The following CDH8 variants were observed in gnomAD, a reference collection of about 807,000 sequenced individuals.
CDH8 encodes the protein cadherin 8.
CDH8 carries 17 observed loss-of-function variants against 68.1 expected under a neutral mutation model. The ratio of observed to expected loss-of-function variants is 0.25; its 90% confidence interval spans 0.17 to 0.37. The LOEUF is 0.37. CDH8 is among the 10% of genes least tolerant of loss of function. The pLI is 1.00. For missense variants in CDH8, 763 were observed against 999.3 expected, an observed-to-expected ratio of 0.76 and a Z score of 3.19; for synonymous variants, 372 against 365.1, an observed-to-expected ratio of 1.02 and a Z score of -0.21.
chr16:61,822,941 C>G (rs1468228311), intron 5 of CDH8, among the ~76,000 whole-genome samples: 1 of 151,822 alleles, frequency 6.6e-6, no homozygotes, highest in East Asian at 1.9e-4. Flanking sequence ...GTTATTATCT[C>G]TAAGAAAAGG....
intron 10 of CDH8, among the ~76,000 whole-genome samples, chr16:61,702,267 G>A (rs954216146): frequency 6.6e-6 from 1 of 152,186 alleles, no homozygotes; most frequent in Non-Finnish European, 1.5e-5. Flanking sequence ...AGCTACTTAG[G>A]AGGCTGAGGC....
At chr16:61,897,501 G>T (rs1353996840) in intron 3 of CDH8, among the ~76,000 whole-genome samples, 2 of 152,160 alleles carry the variant, frequency 1.3e-5, no homozygotes, top group Admixed American at 6.5e-5. Context: ...ATCTGAAAAT[G>T]GACTTGATGT....
chr16:61,827,813 C>T (rs531532275), intron 4 of CDH8, among the ~76,000 whole-genome samples: 7 of 151,898 alleles, frequency 4.6e-5, no homozygotes, highest in African/African-American at 1.2e-4. Context: ...ACTGACCCCA[C>T]GTACAGTTGA....
At chr16:61,879,138 GTTA>G (rs1295100626) in intron 3 of CDH8, among the ~76,000 whole-genome samples, 1 of 152,072 alleles carries the variant, frequency 6.6e-6, no homozygotes, top group African/African-American at 2.4e-5. Flanking sequence ...TGACTGCTAA[GTTA>G]TTATTCTCAT....
At chr16:61,945,634 G>A (rs532074849) in intron 2 of CDH8, among the ~76,000 whole-genome samples, 2 of 152,104 alleles carry the variant, frequency 1.3e-5, no homozygotes, top group Non-Finnish European at 2.9e-5. Context: ...CGGTTGAGGA[G>A]TGCTAACACC....
chr16:61,661,213 T>A (rs1963550904), intron 10 of CDH8, among the ~76,000 whole-genome samples: 1 of 151,814 alleles, frequency 6.6e-6, no homozygotes, highest in African/African-American at 2.4e-5. Flanking sequence ...GAGGCAGAAA[T>A]CAAGGTAGAA....
intron 2 of CDH8, among the ~76,000 whole-genome samples, chr16:61,931,377 T>C (rs1964537574): frequency 6.6e-6 from 1 of 152,170 alleles, no homozygotes; most frequent in South Asian, 2.1e-4. Context: ...AATCTCACTA[T>C]GTTGCTCAGG....
At chr16:61,907,433 C>T (rs770501032) in intron 2 of CDH8, among the ~76,000 whole-genome samples, 1 of 152,040 alleles carries the variant, frequency 6.6e-6, no homozygotes, top group African/African-American at 2.4e-5. Context: ...AATCCCAACA[C>T]TTAGAGAGGC....
At chr16:61,744,168 G>C (rs144381369) in intron 8 of CDH8, among the ~76,000 whole-genome samples, 37 of 152,128 alleles carry the variant, frequency 2.4e-4, no homozygotes, top group African/African-American at 8.9e-4. Context: ...TATTAATCAC[G>C]ATATTCAAAT....
At chr16:61,853,902 C>T (rs1017055627) in intron 4 of CDH8, among the ~76,000 whole-genome samples, 1 of 151,904 alleles carries the variant, frequency 6.6e-6, no homozygotes, top group African/African-American at 2.4e-5. Context: ...TTTTTAATAT[C>T]ACATTTGCTA....
intron 1 of CDH8, among the ~76,000 whole-genome samples, chr16:62,028,621 G>A (rs1326166991): frequency 2.6e-5 from 4 of 151,962 alleles, no homozygotes; most frequent in South Asian, 4.1e-4. Flanking sequence ...CTTCTCTAGT[G>A]TTCTAGAACC....
intron 3 of CDH8, among the ~76,000 whole-genome samples, chr16:61,872,639 T>C (rs1359999097): frequency 6.6e-6 from 1 of 152,156 alleles, no homozygotes; most frequent in Non-Finnish European, 1.5e-5. Flanking sequence ...GTTCTAACAG[T>C]AATTCCAAAA....
chr16:62,020,530 C>T (rs1459703895), intron 2 of CDH8, among the ~76,000 whole-genome samples: 1 of 151,412 alleles, frequency 6.6e-6, no homozygotes, highest in African/African-American at 2.4e-5. Flanking sequence ...ACACACTCCA[C>T]TAAACTAAAA....
chr16:61,734,586 C>G (rs1328934886), intron 8 of CDH8, among the ~76,000 whole-genome samples: 1 of 152,064 alleles, frequency 6.6e-6, no homozygotes, highest in Non-Finnish European at 1.5e-5. Flanking sequence ...ACAAGCCCCA[C>G]CTTTTCCAGA....
At chr16:61,817,030 C>T (rs1962090941) in intron 7 of CDH8, among the ~76,000 whole-genome samples, 2 of 152,128 alleles carry the variant, frequency 1.3e-5, no homozygotes, top group Non-Finnish European at 2.9e-5. Context: ...TGCATTGACA[C>T]TATGGTCTCG....
intron 2 of CDH8, among the ~76,000 whole-genome samples, chr16:61,925,740 T>C (rs1264905954): frequency 6.6e-6 from 1 of 152,174 alleles, no homozygotes; most frequent in Non-Finnish European, 1.5e-5. Flanking sequence ...AGGAAATGTA[T>C]GTCATAAAAT....
chr16:62,032,854 T>C (rs142657003), intron 1 of CDH8, among the ~76,000 whole-genome samples: 5 of 152,260 alleles, frequency 3.3e-5, no homozygotes, highest in Admixed American at 3.3e-4. Context: ...ATAACAAAGA[T>C]TGTCATTTTT....
intron 6 of CDH8, among the ~76,000 whole-genome samples, chr16:61,820,040 T>C (rs1206341845): frequency 6.6e-6 from 1 of 152,068 alleles, no homozygotes; most frequent in Non-Finnish European, 1.5e-5. Context: ...AAATGGAAAA[T>C]GCTGTACAGA....
intron 3 of CDH8, among the ~76,000 whole-genome samples, chr16:61,888,379 T>C (rs925804498): frequency 1.3e-5 from 2 of 152,116 alleles, no homozygotes; most frequent in Non-Finnish European, 2.9e-5. Context: ...ATGTCCAGCT[T>C]TTTTCCCATC....
Sources: gnomAD v4.1 joint callset for allele counts (sites outside exome capture counted in the v4.1 genomes callset) on GRCh38, gnomAD v4.1.1 for gene constraint, MANE v1.5 for transcripts, NCBI Gene and HGNC (gene_info 2026-07-23, HGNC 2026-07-21) for gene names.